Variants in CSMD1 observed in about 807,000 individuals in gnomAD.
CSMD1 encodes the protein CUB and Sushi multiple domains 1, also known as CUB and sushi domain-containing protein 1.
A neutral mutation model predicts 417.5 loss-of-function variants in CSMD1; 213 were observed. The observed-to-expected ratio is 0.51, with a 90% CI of 0.46 to 0.57. The LOEUF (loss-of-function observed/expected upper bound fraction) is 0.57. Ranked by LOEUF, CSMD1 falls within the 20% of genes least tolerant of loss-of-function variation. The probability of loss-of-function intolerance (pLI) is 0.00; values close to 1 mark genes in which losing one functional copy is unlikely to be tolerated. For synonymous variants in CSMD1, 2,862 were observed against 1,736.8 expected (o/e 1.65, Z -16.11); for missense variants, 6,923 against 4,529.7 (o/e 1.53, Z -15.17).
chr8:4,088,861 A>T (rs1800567882), intron 3 of CSMD1, among the ~76,000 whole-genome samples: 1 of 152,090 alleles, frequency 6.6e-6, no homozygotes, highest in Non-Finnish European at 1.5e-5. Flanking sequence ...GGTTTCCATG[A>T]CACCGCTGTG....
At chr8:4,534,368 T>C (rs1372818626) in intron 2 of CSMD1, among the ~76,000 whole-genome samples, 2 of 152,228 alleles carry the variant, frequency 1.3e-5, no homozygotes, top group Non-Finnish European at 2.9e-5. Flanking sequence ...ACCTCTGCCT[T>C]TGCATGGATG....
chr8:4,904,051 G>T (rs372581498), intron 1 of CSMD1, among the ~76,000 whole-genome samples: 1 of 152,104 alleles, frequency 6.6e-6, no homozygotes, highest in African/African-American at 2.4e-5. Context: ...TGGCATTAGT[G>T]TAAGATTTGA....
intron 40 of CSMD1, among the ~76,000 whole-genome samples, chr8:3,149,945 C>T (rs78342119): frequency 0.034 from 5,167 of 152,204 alleles, 275 homozygotes; most frequent in African/African-American, 0.12. Flanking sequence ...TCCTTAAGAG[C>T]GCTAGTGCTG....
intron 6 of CSMD1, among the ~76,000 whole-genome samples, chr8:3,735,616 A>G (rs1178376688): frequency 1.3e-5 from 2 of 152,242 alleles, no homozygotes; most frequent in East Asian, 1.9e-4. Flanking sequence ...AACTCTCTCC[A>G]CAGGTAAGTC....
At chr8:3,603,250 G>A (rs921669351) in intron 8 of CSMD1, among the ~76,000 whole-genome samples, 2 of 152,286 alleles carry the variant, frequency 1.3e-5, no homozygotes, top group Non-Finnish European at 2.9e-5. Context: ...CAGTTTCCTA[G>A]TAACCATGAA....
chr8:3,367,265 G>A lies in CSMD1; in HGVS notation c.2900-18C>T. ...TTGAACTCCTGAGAAATGAAGCCGG[G>A]GGAGAGAGAGAGAGACAGAGAGAGA... On this transcript the variant is annotated intron_variant, in intron 19 of 69. Transcript: ENST00000635120. 5.7e-6 allele frequency: 9 copies of A among 1,573,278 alleles called. No individual in the cohort carries two copies. The highest frequency in any genetic ancestry group is 7.8e-6 in the Non-Finnish European group (9 of 1,152,604).
At chr8:3,853,516 C>T (rs1021623032) in intron 5 of CSMD1, among the ~76,000 whole-genome samples, 1 of 152,136 alleles carries the variant, frequency 6.6e-6, no homozygotes, top group African/African-American at 2.4e-5. Context: ...ATCAATATGA[C>T]TGCCTTGTTA....
chr8:3,867,685 C>G (rs1011218249), intron 5 of CSMD1, among the ~76,000 whole-genome samples: 9 of 152,012 alleles, frequency 5.9e-5, no homozygotes, highest in African/African-American at 1.9e-4. Flanking sequence ...AACCTAGAAC[C>G]ATGTACTACA....
At chr8:4,076,416 A>C (rs1039862371) in intron 3 of CSMD1, among the ~76,000 whole-genome samples, 6 of 152,222 alleles carry the variant, frequency 3.9e-5, no homozygotes, top group Admixed American at 6.5e-5. Flanking sequence ...GGACTAATAC[A>C]ATAAGCATAG....
intron 1 of CSMD1, among the ~76,000 whole-genome samples, chr8:4,887,508 C>A (rs1287622798): frequency 2.0e-5 from 3 of 151,778 alleles, no homozygotes; most frequent in East Asian, 1.9e-4. Context: ...CTATTCAATT[C>A]TTCTAGTTCC....
At chr8:3,500,073 C>G (rs950270781) in intron 10 of CSMD1, among the ~76,000 whole-genome samples, 4 of 152,066 alleles carry the variant, frequency 2.6e-5, no homozygotes, top group African/African-American at 9.7e-5. Context: ...TCCCACTTAC[C>G]TTCTCCCTAC....
intron 29 of CSMD1, among the ~76,000 whole-genome samples, chr8:3,216,411 TA>T (rs551582669): frequency 6.6e-5 from 10 of 152,318 alleles, no homozygotes; most frequent in Non-Finnish European, 1.3e-4. Context: ...CTATTGAAAA[TA>T]AAAAATTTCC....
Position 4,905,681 on chromosome 8 carries a change from G to T in CSMD1, c.85+88651C>A, listed in dbSNP as rs567685400. Among the ~76,000 whole-genome samples, 144 of 151,862 alleles carry T rather than the reference G, an allele frequency of 9.5e-4. 1 individual carries two copies. The highest frequency in any genetic ancestry group is 1.8e-3 in the Non-Finnish European group (123 of 67,928). On this transcript the variant is annotated intron_variant, in intron 1 of 69. Coordinates refer to ENST00000635120, the MANE Select transcript of CSMD1 (RefSeq NM_033225.6). ...AAAACTACAAAAAAATTAGCCGGGC[G>T]TGGTGGCGGGCGCCTGTAGTCCCAG...
intron 1 of CSMD1, among the ~76,000 whole-genome samples, chr8:4,929,870 C>G (rs1807129630): frequency 6.6e-6 from 1 of 152,154 alleles, no homozygotes. Context: ...TACAAAGGCA[C>G]TTGGCACCAC....
intron 26 of CSMD1, among the ~76,000 whole-genome samples, chr8:3,274,720 A>C (rs1444312730): frequency 1.3e-5 from 2 of 151,974 alleles, no homozygotes; most frequent in Admixed American, 6.6e-5. Flanking sequence ...GTTGGTTTAA[A>C]GTCTGTTTTA....
intron 2 of CSMD1, among the ~76,000 whole-genome samples, chr8:4,460,559 C>A (rs1799751624): frequency 6.6e-6 from 1 of 151,964 alleles, no homozygotes; most frequent in Admixed American, 6.6e-5. Flanking sequence ...AATTAAGAAT[C>A]TTTTGCTAGA....
chr8:3,620,771 T>C (rs1802384881), intron 7 of CSMD1, among the ~76,000 whole-genome samples: 2 of 152,058 alleles, frequency 1.3e-5, no homozygotes, highest in South Asian at 4.2e-4. Flanking sequence ...CTGAAAGACA[T>C]ATGAAAATTG....
intron 5 of CSMD1, among the ~76,000 whole-genome samples, chr8:3,893,339 T>TTATATATATATATATATATATATATG (rs56848640): frequency 1.2e-5 from 1 of 80,440 alleles, no homozygotes; most frequent in Non-Finnish European, 2.8e-5. Context: ...ATTCACAATT[T>TTATATATATATATATATATATATATG]TATATATATA....
chr8:3,033,936 A>C (rs1810503962), intron 50 of CSMD1, among the ~76,000 whole-genome samples: 1 of 152,170 alleles, frequency 6.6e-6, no homozygotes, highest in Admixed American at 6.5e-5. Flanking sequence ...GTCTCAGCTC[A>C]TCACAGCAGC....
Sources: gnomAD v4.1 joint callset for allele counts (sites outside exome capture counted in the v4.1 genomes callset) on GRCh38, gnomAD v4.1.1 for gene constraint, MANE v1.5 for transcripts, NCBI Gene and HGNC (gene_info 2026-07-23, HGNC 2026-07-21) for gene names.